TAF4: variants seen among roughly 807,000 people sequenced by gnomAD.
The protein encoded by TAF4 is TATA-box binding protein associated factor 4.
A neutral mutation model predicts 90.3 loss-of-function variants in TAF4; 9 were observed. That is an observed-to-expected ratio of 0.10 (90% confidence interval 0.06 to 0.17). The LOEUF is 0.17. Among genes scored for constraint, TAF4 ranks in the 10% least tolerant of loss-of-function variants. The pLI is 1.00. For synonymous variants in TAF4, 818 were observed against 638.9 expected (o/e 1.28, Z -4.23); for missense variants, 1,351 against 1,370.7 (o/e 0.99, Z 0.23).
intron 14 of TAF4, among the ~76,000 whole-genome samples, chr20:61,983,235 T>A (rs1687893453): frequency 2.0e-5 from 3 of 149,880 alleles, no homozygotes; most frequent in African/African-American, 7.4e-5. Flanking sequence ...CAGGGCGTCG[T>A]CACTAGTTTA....
At chr20:61,997,091 TA>T (rs1364175624) in intron 14 of TAF4, among the ~76,000 whole-genome samples, 1 of 152,160 alleles carries the variant, frequency 6.6e-6, no homozygotes, top group Non-Finnish European at 1.5e-5. Context: ...TTATAATTAT[TA>T]GACTAAAAGA....
At chr20:61,998,600 GA>G (rs1348726948) in intron 12 of TAF4, among the ~76,000 whole-genome samples, 1 of 152,162 alleles carries the variant, frequency 6.6e-6, no homozygotes, top group Admixed American at 6.5e-5. Context: ...CGTCCCTGGG[GA>G]ACTGTGGTCT....
chr20:62,008,915 TC>T, intron 5 of TAF4, 136 bp downstream of exon 5: 1 of 1,209,120 alleles, frequency 8.3e-7, no homozygotes, highest in Non-Finnish European at 1.1e-6. Flanking sequence ...TGTGCACCCC[TC>T]CCCTTCGCCT....
chr20:62,062,007 CGGAGGGAA>C (rs2056091463), intron 1 of TAF4, among the ~76,000 whole-genome samples: 1 of 152,202 alleles, frequency 6.6e-6, no homozygotes, highest in Admixed American at 6.5e-5. Context: ...AAGACCTCCA[CGGAGGGAA>C]GGCTGGGAAG....
At chr20:62,051,965 C>T (rs1046837951) in intron 1 of TAF4, among the ~76,000 whole-genome samples, 2 of 152,180 alleles carry the variant, frequency 1.3e-5, no homozygotes, top group African/African-American at 2.4e-5. Context: ...GGCTCTAGGG[C>T]CTGCAGACAC....
chr20:62,006,377 C>T lies in TAF4; in HGVS notation c.2223+133G>A. 1 of 1,194,606 alleles carries T rather than the reference C, an allele frequency of 8.4e-7. No individual in the cohort carries two copies. The highest frequency in any genetic ancestry group is 1.1e-6 in the Non-Finnish European group (1 of 933,492). 74.0% of individuals were successfully genotyped at this position (1,194,606 alleles called of 1,614,324 possible). A position where few individuals can be genotyped will look rare whatever the true frequency, so the allele number is the denominator to read the frequency against. ...TCTATTTTAACTATTTAAGGTAATA[C>T]CCAAGCTTCCTCTAGCAGGAGGCTT... is the stretch of plus-strand genomic sequence containing the variant. On this transcript the variant is annotated intron_variant, in intron 7 of 14. Transcript: ENST00000252996. The surrounding 1 kb of genome is among the most constrained non-coding windows in gnomAD (Gnocchi z 7.0).
chr20:62,035,157 G>T (rs964896421), intron 1 of TAF4, among the ~76,000 whole-genome samples: 1 of 152,126 alleles, frequency 6.6e-6, no homozygotes, highest in African/African-American at 2.4e-5. Context: ...CCCACAGATT[G>T]ATACAACTTC....
At chr20:62,028,565 T>C (rs1274045328) in intron 1 of TAF4, among the ~76,000 whole-genome samples, 1 of 152,106 alleles carries the variant, frequency 6.6e-6, no homozygotes, top group Non-Finnish European at 1.5e-5. Context: ...GGCGACTGTA[T>C]CTGGCGCCAT....
Position 62,015,058 on chromosome 20 carries a change from C to T in TAF4, c.1361-351G>A, listed in dbSNP as rs569858837. ...CCACAGACATGCCAGTCTCCTTGCC[C>T]CCACCTCCTGCCTGTGCCAGGGCCA... On this transcript the variant is annotated intron_variant, in intron 1 of 14. Coordinates refer to ENST00000252996, the MANE Select transcript of TAF4 (RefSeq NM_003185.4). Among the ~76,000 whole-genome samples the T allele has an allele frequency of 3.7e-4, 57 of 152,328 alleles. 1 individual carries two copies. Among genetic ancestry groups the T allele is most frequent in the African/African-American group, 1.3e-3 (56 of 41,590 alleles).
intron 1 of TAF4, among the ~76,000 whole-genome samples, chr20:62,062,246 A>C (rs1340243774): frequency 6.6e-6 from 1 of 152,262 alleles, no homozygotes; most frequent in Non-Finnish European, 1.5e-5. Context: ...TATTTCAATG[A>C]AAACGGAACC....
chr20:62,022,867 C>CA (rs1402629918), intron 1 of TAF4, among the ~76,000 whole-genome samples: 1 of 151,984 alleles, frequency 6.6e-6, no homozygotes, highest in African/African-American at 2.4e-5. Context: ...TGCAGCCCCC[C>CA]CCCCGCACAT....
rs1263247342 is a variant in TAF4, at chr20:62,047,563, C to CAGGCAAGTGA, written c.1360+16878_1360+16887dup. On this transcript the variant is annotated intron_variant, in intron 1 of 14. Coordinates refer to ENST00000252996, the MANE Select transcript of TAF4 (RefSeq NM_003185.4). ...AGGGGCGCTGAGAAGAGTAAGTCCACAGGCAAGTGAAGACCCCATCACATG... is the reference window on the plus strand; with the variant it reads ...AGGGGCGCTGAGAAGAGTAAGTCCACAGGCAAGTGAAGGCAAGTGAAGACCCCATCACATG... 3.3e-5 allele frequency among the ~76,000 whole-genome samples: 5 copies of CAGGCAAGTGA among 152,304 alleles called. No individual in the cohort carries two copies. The Middle Eastern group carries it at 0.017, about 518-fold the overall frequency.
In TAF4 at chr20:62,003,285, AAC is replaced by A. The variant is rs748732957; in HGVS notation, c.2372-13_2372-12del. 5 of 1,605,664 alleles carry A rather than the reference AAC, an allele frequency of 3.1e-6. No individual in the cohort carries two copies. Among genetic ancestry groups the A allele is most frequent in the Admixed American group, 1.7e-5 (1 of 59,998 alleles). ...GTTTCACCACAGGGACTACAAAACA[AAC>A]ACACAGTGGAAACCACACAAGGCTT... On this transcript the variant is annotated splice_polypyrimidine_tract_variant and intron_variant, in intron 8 of 14. Coordinates refer to ENST00000252996, the MANE Select transcript of TAF4 (RefSeq NM_003185.4).
At position 61,997,575 on chromosome 20, in the gene TAF4, C is replaced by T. The variant is rs1161879611; in HGVS notation, c.3065G>A (p.Cys1022Tyr). The T allele has an allele frequency of 1.9e-6, 3 of 1,613,062 alleles. No individual in the cohort carries two copies. Among genetic ancestry groups the T allele is most frequent in the Non-Finnish European group, 2.5e-6 (3 of 1,179,738 alleles). ...CTCTGCTCCTGAGCCCGGCCCCGGACAGTCCACTTTCCTCTTTTTCCTGGG... is the reference window on the plus strand; with the variant it reads ...CTCTGCTCCTGAGCCCGGCCCCGGATAGTCCACTTTCCTCTTTTTCCTGGG... ...IGPRKKRKVDCPGPGSGAEGS... is the reference protein window; with the variant it reads ...IGPRKKRKVDYPGPGSGAEGS... Residue 1022 changes from cysteine (C) to tyrosine (Y), a missense_variant, in exon 14 of 15, where the codon TGT (cysteine) becomes TAT (tyrosine). Cys to Tyr is a radical substitution (Grantham distance 194). This residue lies in a region of TAF4 where 48 missense variants were observed against 50.6 expected (regional missense o/e 0.95). Transcript: ENST00000252996.
intron 7 of TAF4, chr20:62,005,852 T>C (rs2055741531): frequency 6.6e-6 from 1 of 152,236 alleles, no homozygotes; most frequent in African/African-American, 2.4e-5. Context: ...GTTTAAGCTG[T>C]CTTTAGAGGA....
intron 1 of TAF4, among the ~76,000 whole-genome samples, chr20:62,060,292 G>C (rs144247706): frequency 2.6e-3 from 393 of 152,336 alleles, no homozygotes; most frequent in African/African-American, 8.8e-3. Flanking sequence ...TAAGAACCAG[G>C]GCAACCGTAA....
chr20:62,065,781 C>G lies in TAF4; in HGVS notation c.30G>C (p.Glu10Asp), dbSNP rs1188263261. 1.2e-5 allele frequency: 16 copies of G among 1,337,016 alleles called. No homozygotes were observed. Among genetic ancestry groups the G allele is most frequent in the Non-Finnish European group, 1.5e-5 (15 of 1,025,340 alleles). The allele number at this position is 1,337,016 out of a possible 1,614,324, so 82.8% of individuals were successfully genotyped here. ...CGTCCACCTCGCTGTTGAAGAAGAC[C>G]TCGTCCAGCAGATCCGAGCCCGCCG... MAAGSDLLD[E>D]VFFNSEVDEK... The change falls in exon 1 of 15, where the codon GAG becomes GAC. Residue 10 changes from glutamate (E) to aspartate (D), a missense_variant. Physicochemically the swap from Glu to Asp is conservative, Grantham distance 45. Around this residue, in one of 9 missense-constraint regions of TAF4, gnomAD observed 782 missense variants for 536.6 expected, o/e 1.46. Coordinates refer to ENST00000252996, the MANE Select transcript of TAF4 (RefSeq NM_003185.4).
In TAF4 at chr20:62,056,141, G is replaced by A. The variant is rs1284263414; in HGVS notation, c.1360+8310C>T. 3.9e-5 allele frequency among the ~76,000 whole-genome samples: 6 copies of A among 152,180 alleles called. No homozygotes were observed. In the East Asian group the frequency reaches 9.6e-4, roughly 24 times the overall value. On this transcript the variant is annotated intron_variant, in intron 1 of 14. Transcript: ENST00000252996. ...ATTCCCAGCTGCTCGGGAGGCTGAGGCATGAGAATCACCTGATCCCGGGAG... is the reference window on the plus strand; with the variant it reads ...ATTCCCAGCTGCTCGGGAGGCTGAGACATGAGAATCACCTGATCCCGGGAG...
intron 14 of TAF4, among the ~76,000 whole-genome samples, chr20:61,990,557 G>A (rs2055625167): frequency 6.6e-6 from 1 of 152,196 alleles, no homozygotes; most frequent in Admixed American, 6.5e-5. Context: ...CTGGACCCAG[G>A]AGCCAGCAGA....
Sources: allele counts gnomAD v4.1 joint callset (sites outside exome capture counted in the v4.1 genomes callset), GRCh38; gene constraint gnomAD v4.1.1; regional missense constraint gnomAD v4.1.1; non-coding constraint Gnocchi (gnomAD v3.1); transcripts MANE v1.5; gene names NCBI Gene and HGNC (gene_info 2026-07-23, HGNC 2026-07-21).